The following USP3 variants were observed in gnomAD, a reference collection of about 807,000 sequenced individuals.
USP3 encodes ubiquitin carboxyl-terminal hydrolase 3.
Under a neutral mutation model 72.3 loss-of-function variants are expected in USP3, and 20 were observed. The observed-to-expected ratio is 0.28, with a 90% confidence interval of 0.19 to 0.40. The LOEUF is 0.40. Among genes scored for constraint, USP3 ranks in the 10% least tolerant of loss-of-function variants. The probability of loss-of-function intolerance (pLI) is 1.00; values close to 1 mark genes in which losing one functional copy is unlikely to be tolerated. For missense variants in USP3, 479 were observed against 633.9 expected (o/e 0.76, Z 2.62); for synonymous variants, 222 against 225.3 (o/e 0.99, Z 0.13).
chr15:63,591,477 T>G lies in USP3; in HGVS notation c.*651T>G, dbSNP rs528212370. 7 of 152,304 alleles carry G rather than the reference T, an allele frequency of 4.6e-5. No individual in the cohort carries two copies. The highest frequency in any genetic ancestry group is 1.7e-4 in the African/African-American group (7 of 41,548). The allele number at this position is 152,304 out of a possible 1,614,324, so 9.4% of individuals were successfully genotyped here. ...CCTGCAAATACAAGAATTACTCTCT[T>G]TGTTGGTTTTTTTGGTTTTGGGGCA... On this transcript the variant is annotated 3_prime_UTR_variant, in exon 15 of 15. Transcript: ENST00000380324.
intron 3 of USP3, among the ~76,000 whole-genome samples, chr15:63,548,547 C>T (rs921888404): frequency 2.0e-5 from 3 of 152,012 alleles, no homozygotes; most frequent in Admixed American, 6.6e-5. Context: ...AGGCTGATCG[C>T]GAACTCCTGA....
At position 63,588,374 on chromosome 15, in the gene USP3, A is replaced by G; in HGVS notation, c.1166A>G (p.Lys389Arg). The change falls in exon 12 of 15, where the codon AAA (lysine) becomes AGA (arginine). Residue 389 changes from lysine to arginine, a missense_variant. Physicochemically the swap from Lys to Arg is conservative, Grantham distance 26 (BLOSUM62 2). Coordinates refer to ENST00000380324, the MANE Select transcript of USP3 (RefSeq NM_006537.4). The surrounding 1 kb of genome is among the most constrained non-coding windows in gnomAD (Gnocchi z 4.6). The part of the protein sequence containing the change: ...ETELYMCHKC[K>R]KKQKSTKKFW... ...GAGTTATATATGTGCCATAAATGCA[A>G]AAAGAAACAAAAGTCCACAAAAAAG... is the stretch of plus-strand genomic sequence containing the variant. 2 of 1,607,654 alleles carry G rather than the reference A, an allele frequency of 1.2e-6. No homozygotes were observed. The highest frequency in any genetic ancestry group is 1.7e-6 in the Non-Finnish European group (2 of 1,178,458).
intron 1 of USP3, among the ~76,000 whole-genome samples, chr15:63,515,663 G>A (rs1188290963): frequency 6.6e-6 from 1 of 152,166 alleles, no homozygotes; most frequent in East Asian, 1.9e-4. Flanking sequence ...TTTATGCTGT[G>A]TAATATATTT....
At chr15:63,572,734 G>C (rs1473488607) in intron 9 of USP3, among the ~76,000 whole-genome samples, 1 of 152,134 alleles carries the variant, frequency 6.6e-6, no homozygotes, top group Non-Finnish European at 1.5e-5. Flanking sequence ...ACCTTATATT[G>C]CTATTAGCAA....
intron 11 of USP3, among the ~76,000 whole-genome samples, chr15:63,583,363 G>C (rs2066997531): frequency 6.6e-6 from 1 of 152,126 alleles, no homozygotes; most frequent in Non-Finnish European, 1.5e-5. Context: ...TGTAATCTCA[G>C]CTACTGGGGA....
At chr15:63,589,813 CATGGCCTACT>C in intron 14 of USP3, among the ~76,000 whole-genome samples, 1 of 148,360 alleles carries the variant, frequency 6.7e-6, no homozygotes, top group East Asian at 1.9e-4. Flanking sequence ...TAAAGACTGC[CATGGCCTACT>C]TTTCCAAATC....
rs1318232071 is a variant in USP3, at chr15:63,553,128, C to G, written c.285-587C>G. 6.6e-6 allele frequency among the ~76,000 whole-genome samples: 1 copy of G among 152,152 alleles called. No individual in the cohort carries two copies. The highest frequency in any genetic ancestry group is 1.5e-5 in the Non-Finnish European group (1 of 68,016). The stretch of plus-strand genomic sequence containing the variant: ...CTTATCAGTTGCCTGAATGATATAG[C>G]CACTATTTTATACTTTTGTTTTGTA... On this transcript the variant is annotated intron_variant, in intron 3 of 14. Transcript: ENST00000380324. The surrounding 1 kb of genome is among the most constrained non-coding windows in gnomAD (Gnocchi z 4.2).
At chr15:63,579,386 C>G (rs1434290233) in intron 11 of USP3, among the ~76,000 whole-genome samples, 1 of 152,162 alleles carries the variant, frequency 6.6e-6, no homozygotes, top group East Asian at 1.9e-4. Flanking sequence ...TGTCCTAGAA[C>G]TACTAATATA....
intron 11 of USP3, among the ~76,000 whole-genome samples, chr15:63,576,693 G>A (rs1407344211): frequency 6.6e-6 from 1 of 152,192 alleles, no homozygotes; most frequent in Non-Finnish European, 1.5e-5. Flanking sequence ...ATCCCAAGTA[G>A]TTTAGGGTTT....
At position 63,553,812 on chromosome 15, in the gene USP3, C is replaced by A; in HGVS notation, c.368+14C>A. Reference sequence around the variant, plus strand: ...GAACTTGGAAAAGTAAGTAATAGGCCTTTGGAAAAAGAAGGGCCTAAGAAT... The same window carrying A: ...GAACTTGGAAAAGTAAGTAATAGGCATTTGGAAAAAGAAGGGCCTAAGAAT... On this transcript the variant is annotated intron_variant, in intron 4 of 14. Transcript: ENST00000380324. The surrounding 1 kb of genome is among the most constrained non-coding windows in gnomAD (Gnocchi z 4.2). 6.2e-7 allele frequency: 1 copy of A among 1,604,824 alleles called. No individual in the cohort carries two copies. Among genetic ancestry groups the A allele is most frequent in the Non-Finnish European group, 8.5e-7 (1 of 1,175,944 alleles).
chr15:63,591,860 T>TGA lies in USP3; in HGVS notation c.*1034_*1035insGA, dbSNP rs2067206934. The TGA allele has an allele frequency of 1.3e-5, 2 of 152,088 alleles. No individual in the cohort carries two copies. Among genetic ancestry groups the TGA allele is most frequent in the African/African-American group, 4.8e-5 (2 of 41,408 alleles). The allele number at this position is 152,088 out of a possible 1,614,324, so 9.4% of individuals were successfully genotyped here. A position where few individuals can be genotyped will look rare whatever the true frequency, so the allele number is the denominator to read the frequency against. On this transcript the variant is annotated 3_prime_UTR_variant, in exon 15 of 15. Coordinates refer to ENST00000380324, the MANE Select transcript of USP3 (RefSeq NM_006537.4). ...AACACCTCTCTCTGGCCTATCCTGA[T>TGA]TGATAGGACAAGTTGAAAATACTGT...
chr15:63,589,272 A>G (rs1036865158), intron 14 of USP3, among the ~76,000 whole-genome samples: 1 of 152,246 alleles, frequency 6.6e-6, no homozygotes, highest in Non-Finnish European at 1.5e-5. Flanking sequence ...CACAAACTCC[A>G]AAGTTGCTTA....
chr15:63,553,151 G>A lies in USP3; in HGVS notation c.285-564G>A, dbSNP rs1469441299. Among the ~76,000 whole-genome samples, 2 of 152,152 alleles carry A rather than the reference G, an allele frequency of 1.3e-5. No individual in the cohort carries two copies. The highest frequency in any genetic ancestry group is 2.9e-5 in the Non-Finnish European group (2 of 68,012). On this transcript the variant is annotated intron_variant, in intron 3 of 14. Coordinates refer to ENST00000380324, the MANE Select transcript of USP3 (RefSeq NM_006537.4). This position sits in a 1 kb window ranked among gnomAD's most constrained non-coding sequence, Gnocchi z 4.2. The stretch of plus-strand genomic sequence containing the variant: ...AGCCACTATTTTATACTTTTGTTTT[G>A]TAGTGCCTCAGAGTGAAAGAGCATT...
At position 63,590,966 on chromosome 15, in the gene USP3, T is replaced by G. The variant is rs2067187517; in HGVS notation, c.*140T>G. ...TTTAGTTTTGTCAATGGTAGTGACT[T>G]ACTGAACATGGGCACCAACTAATTT... On this transcript the variant is annotated 3_prime_UTR_variant, in exon 15 of 15. Transcript: ENST00000380324. 1 of 1,066,684 alleles carries G rather than the reference T, an allele frequency of 9.4e-7. No homozygotes were observed. The highest frequency in any genetic ancestry group is 1.6e-5 in the African/African-American group (1 of 61,060). The allele number at this position is 1,066,684 out of a possible 1,614,324, so 66.1% of individuals were successfully genotyped here.
chr15:63,526,437 T>C (rs1348367680), intron 1 of USP3, among the ~76,000 whole-genome samples: 1 of 152,248 alleles, frequency 6.6e-6, no homozygotes, highest in Non-Finnish European at 1.5e-5. Context: ...TGTAGAAGAT[T>C]AATTAGCACC....
At chr15:63,524,463 C>A (rs1432191764) in intron 1 of USP3, among the ~76,000 whole-genome samples, 1 of 152,162 alleles carries the variant, frequency 6.6e-6, no homozygotes, top group Admixed American at 6.5e-5. Flanking sequence ...ATCCTAGAAG[C>A]CTAAAGCAAC....
At chr15:63,566,473 T>G (rs2066693516) in intron 8 of USP3, among the ~76,000 whole-genome samples, 3 of 152,130 alleles carry the variant, frequency 2.0e-5, no homozygotes, top group Middle Eastern at 3.4e-3. Context: ...CCACCATACC[T>G]GGCTAATTTT....
chr15:63,577,716 C>T (rs2066886151), intron 11 of USP3, among the ~76,000 whole-genome samples: 1 of 152,094 alleles, frequency 6.6e-6, no homozygotes, highest in Non-Finnish European at 1.5e-5. Flanking sequence ...CGTGCAACCG[C>T]ACTCCAGCCT....
intron 8 of USP3, among the ~76,000 whole-genome samples, chr15:63,568,352 T>TA (rs545943861): frequency 0.5 from 66,249 of 131,342 alleles, 16,978 homozygotes; most frequent in Non-Finnish European, 0.57. Context: ...AGACTCCATC[T>TA]AAAAAAAAAA....
Sources: gnomAD v4.1 joint callset for allele counts (sites outside exome capture counted in the v4.1 genomes callset) on GRCh38, gnomAD v4.1.1 for gene constraint, Gnocchi (gnomAD v3.1) non-coding constraint, MANE v1.5 for transcripts, NCBI Gene and HGNC (gene_info 2026-07-23, HGNC 2026-07-21) for gene names.